PDZD7: variants seen among roughly 807,000 people sequenced by gnomAD.
The protein encoded by PDZD7 is PDZ domain containing 7, also known as PDZ domain-containing protein 7.
Under a neutral mutation model 84.7 loss-of-function variants are expected in PDZD7, and 72 were observed. The observed-to-expected ratio is 0.85, with a 90% CI of 0.70 to 1.03. PDZD7 has a LOEUF of 1.03. PDZD7 is among the 50% of genes least tolerant of loss of function. PDZD7 has a pLI of 0.00. For synonymous variants in PDZD7, 594 were observed against 580.7 expected, an observed-to-expected ratio of 1.02 and a Z score of -0.33; for missense variants, 1,490 against 1,412.9, an observed-to-expected ratio of 1.05 and a Z score of -0.87.
chr10:101,028,016 G>A (rs1427212143), intron 2 of PDZD7, among the ~76,000 whole-genome samples: 3 of 152,168 alleles, frequency 2.0e-5, no homozygotes, highest in Non-Finnish European at 2.9e-5. Flanking sequence ...CAATGTCACC[G>A]TTTATTCCTT....
chr10:101,024,184 C>T lies in PDZD7; in HGVS notation c.227-116G>A, dbSNP rs555912295. The T allele has an allele frequency of 1.2e-4, 172 of 1,433,374 alleles. 2 individuals carry two copies. In the South Asian group the frequency reaches 1.8e-3, roughly 15 times the overall value. 88.8% of individuals were successfully genotyped at this position (1,433,374 alleles called of 1,614,324 possible). ...GTTGCTGGGCACAGTCACACAGGCA[C>T]GTAGGGGCCTAAATGCAGTGGGGCA... On this transcript the variant is annotated intron_variant, in intron 2 of 16. Coordinates refer to ENST00000619208, the MANE Select transcript of PDZD7 (RefSeq NM_001195263.2).
Position 101,021,792 on chromosome 10 carries a change from G to T in PDZD7, c.867+6C>A. 1 of 1,614,110 alleles carries T rather than the reference G, an allele frequency of 6.2e-7. No homozygotes were observed. The highest frequency in any genetic ancestry group is 8.5e-7 in the Non-Finnish European group (1 of 1,180,022). On this transcript the variant is annotated splice_donor_region_variant and intron_variant, in intron 6 of 16. Coordinates refer to ENST00000619208, the MANE Select transcript of PDZD7 (RefSeq NM_001195263.2). ...CACCTCTCCCTACCCCCACTGTTCT[G>T]CCCACCTTGATGGTCAGCATGATGT...
Position 101,030,161 on chromosome 10 carries a change from C to A in PDZD7, c.59G>T (p.Gly20Val). The change falls in exon 2 of 17, where the codon GGC (glycine) becomes GTC (valine). Residue 20 changes from glycine to valine, a missense_variant. By Grantham distance (109) the Gly-to-Val change is moderately radical. Transcript: ENST00000619208. ...DPLGLGDLSS[G>V]SLSSLSSRGH... is the part of the protein sequence containing the mutation. ...TCGGGAGGAGAGGGAGCTCAGAGAG[C>A]CGGAGCTCAGGTCTCCTAGGCCCAG... 1.2e-6 allele frequency: 2 copies of A among 1,613,954 alleles called. No individual in the cohort carries two copies. Among genetic ancestry groups the A allele is most frequent in the Non-Finnish European group, 1.7e-6 (2 of 1,179,972 alleles).
chr10:101,017,382 A>G, intron 9 of PDZD7: 1 of 430,726 alleles, frequency 2.3e-6, no homozygotes. Context: ...GACGTGCTTT[A>G]TTTTTCTTTT....
rs1318685122 is a variant in PDZD7 at position 101,010,666 on chromosome 10, C to G, written c.2223G>C (p.Val741=). 2 of 1,500,680 alleles carry G rather than the reference C, an allele frequency of 1.3e-6. No individual in the cohort carries two copies. The highest frequency in any genetic ancestry group is 1.8e-6 in the Non-Finnish European group (2 of 1,129,964). The allele number at this position is 1,500,680 out of a possible 1,614,324, so 93.0% of individuals were successfully genotyped here. A position where few individuals can be genotyped will look rare whatever the true frequency, so the allele number is the denominator to read the frequency against. The change falls in exon 15 of 17, where the codon GTG becomes GTC. Residue 741 remains valine (V), a synonymous_variant. Transcript: ENST00000619208. ...ACTPPPQLPP[V]APRPLRPNWL... ...AGTTAGGCCGCAGGGGCCGGGGAGC[C>G]ACGGGGGGTAGCTGGGGAGGGGGTG... is the stretch of plus-strand genomic sequence containing the variant.
At chr10:101,013,155 C>G (rs1223556495) in intron 11 of PDZD7, among the ~76,000 whole-genome samples, 4 of 152,182 alleles carry the variant, frequency 2.6e-5, no homozygotes, top group African/African-American at 9.7e-5. Flanking sequence ...TGGCCCCAAA[C>G]CACACACAGT....
chr10:101,022,404 C>A lies in PDZD7; in HGVS notation c.543-19G>T. 1 of 1,613,636 alleles carries A rather than the reference C, an allele frequency of 6.2e-7. No homozygotes were observed. The highest frequency in any genetic ancestry group is 1.3e-5 in the African/African-American group (1 of 75,024). ...ATCCACCCTGGACAACAGCAGGGGG[C>A]CCTCAGGTGGGGTCCTCCATCCACT... is the stretch of plus-strand genomic sequence containing the variant. On this transcript the variant is annotated intron_variant, in intron 4 of 16. Coordinates refer to ENST00000619208, the MANE Select transcript of PDZD7 (RefSeq NM_001195263.2).
intron 2 of PDZD7, among the ~76,000 whole-genome samples, chr10:101,027,660 T>C (rs1358773258): frequency 6.6e-6 from 1 of 152,196 alleles, no homozygotes; most frequent in African/African-American, 2.4e-5. Flanking sequence ...AGAAGCACCA[T>C]TCTATCATGT....
rs190520689 is a variant in PDZD7, at chr10:101,014,101, C to A, written c.1749+1535G>T. On this transcript the variant is annotated intron_variant, in intron 11 of 16. Coordinates refer to ENST00000619208, the MANE Select transcript of PDZD7 (RefSeq NM_001195263.2). Reference sequence around the variant, plus strand: ...CTCGAACTCCTGACTACAGGTGATCCGCTCACCTCGGCCACCCAAAGTGCT... The same window carrying A: ...CTCGAACTCCTGACTACAGGTGATCAGCTCACCTCGGCCACCCAAAGTGCT... Among the ~76,000 whole-genome samples, 4 of 151,824 alleles carry A rather than the reference C, an allele frequency of 2.6e-5. No homozygotes were observed. In the South Asian group the frequency reaches 8.3e-4, roughly 32 times the overall value.
chr10:101,029,143 G>A (rs1460999409), intron 2 of PDZD7, among the ~76,000 whole-genome samples: 1 of 152,170 alleles, frequency 6.6e-6, no homozygotes, highest in Non-Finnish European at 1.5e-5. Flanking sequence ...GGCATTCTAG[G>A]TCCTGTCTTG....
Position 101,008,490 on chromosome 10 carries a change from C to A in PDZD7, c.3079G>T (p.Ala1027Ser). The A allele has an allele frequency of 6.6e-7, 1 of 1,510,962 alleles. No individual in the cohort carries two copies. Among genetic ancestry groups the A allele is most frequent in the Non-Finnish European group, 8.8e-7 (1 of 1,135,256 alleles). The allele number at this position is 1,510,962 out of a possible 1,614,324, so 93.6% of individuals were successfully genotyped here. ...PALQTPDSKP[A>S]PSPRIP The stretch of plus-strand genomic sequence containing the variant: ...GGTCATGGGATGCGTGGGGAGGGTG[C>A]GGGCTTAGAATCAGGAGTCTGGAGG... The change falls in exon 17 of 17, where the codon GCA becomes TCA. Residue 1027 changes from alanine (A) to serine (S), a missense_variant. By Grantham distance (99) the Ala-to-Ser change is moderately conservative. Transcript: ENST00000619208.
chr10:101,027,047 G>T (rs912923968), intron 2 of PDZD7, among the ~76,000 whole-genome samples: 1 of 152,104 alleles, frequency 6.6e-6, no homozygotes, highest in Non-Finnish European at 1.5e-5. Flanking sequence ...TCCCCCAGGT[G>T]CTCCACTGCA....
intron 2 of PDZD7, among the ~76,000 whole-genome samples, chr10:101,024,893 A>C (rs1304759479): frequency 6.6e-6 from 1 of 151,486 alleles, no homozygotes; most frequent in East Asian, 1.9e-4. Flanking sequence ...TCACATGCCC[A>C]TGGGCCTGGG....
At position 101,010,758 on chromosome 10, in the gene PDZD7, G is replaced by C; in HGVS notation, c.2131C>G (p.His711Asp). Residue 711 changes from histidine (H) to aspartate (D), a missense_variant, in exon 15 of 17, where the codon CAT (histidine) becomes GAT (aspartate). Transcript: ENST00000619208. ...SPSASAPRHP[H>D]KGIPPLQDVP... is the part of the protein sequence containing the mutation. ...TCTTGTAGAGGGGGGATCCCTTTATGGGGGTGGCGAGGGGCAGAGGCACTT... is the reference window on the plus strand; with the variant it reads ...TCTTGTAGAGGGGGGATCCCTTTATCGGGGTGGCGAGGGGCAGAGGCACTT... The C allele has an allele frequency of 2.6e-6, 4 of 1,534,900 alleles. No individual in the cohort carries two copies. Among genetic ancestry groups the C allele is most frequent in the Non-Finnish European group, 3.5e-6 (4 of 1,146,466 alleles).
chr10:101,029,965 C>T, intron 2 of PDZD7, 29 bp downstream of exon 2: 14 of 1,573,468 alleles, frequency 8.9e-6, no homozygotes, highest in Non-Finnish European at 1.2e-5. Context: ...CCTCCCCAAC[C>T]CAGGCCAGTG....
intron 8 of PDZD7, 59 bp downstream of exon 8, chr10:101,018,763 G>A: frequency 1.3e-6 from 2 of 1,507,634 alleles, no homozygotes. Context: ...GACAGGATGT[G>A]AGACAGGTTT....
At chr10:101,022,510 C>G in intron 4 of PDZD7, 125 bp from the exon 5 acceptor site, 1 of 1,071,304 alleles carries the variant, frequency 9.3e-7, no homozygotes, top group Admixed American at 2.0e-5. Context: ...AGGCCTGAGA[C>G]CTGCAGTGGG....
In PDZD7 at chr10:101,026,779, AG is replaced by A. The variant is rs142859761; in HGVS notation, c.227-2712del. On this transcript the variant is annotated intron_variant, in intron 2 of 16. Coordinates refer to ENST00000619208, the MANE Select transcript of PDZD7 (RefSeq NM_001195263.2). ...AGGGCAGCTCAGAAAGAAATCCCCGAGGGCAGCCTGGGGGGAGGGGTGGTGC... is the reference window on the plus strand; with the variant it reads ...AGGGCAGCTCAGAAAGAAATCCCCGAGGCAGCCTGGGGGGAGGGGTGGTGC... Among the ~76,000 whole-genome samples the A allele has an allele frequency of 8.0e-3, 1,194 of 149,828 alleles. 22 individuals carry two copies. Among genetic ancestry groups the A allele is most frequent in the South Asian group, 0.064 (299 of 4,676 alleles).
chr10:101,019,915 C>T (rs1441470167), intron 7 of PDZD7, among the ~76,000 whole-genome samples: 1 of 149,886 alleles, frequency 6.7e-6, no homozygotes, highest in Non-Finnish European at 1.5e-5. Flanking sequence ...CATAAGCCAC[C>T]GCGCCAGGCT....
Sources: allele counts gnomAD v4.1 joint callset (sites outside exome capture counted in the v4.1 genomes callset), GRCh38; gene constraint gnomAD v4.1.1; transcripts MANE v1.5; gene names NCBI Gene and HGNC (gene_info 2026-07-23, HGNC 2026-07-21).